Variants in MARCHF1 observed in about 807,000 individuals in gnomAD.
The protein encoded by MARCHF1 is membrane associated ring-CH-type finger 1, also known as E3 ubiquitin-protein ligase MARCHF1.
In MARCHF1, 40 loss-of-function variants were observed where a neutral mutation model predicts 54.2. That is an observed-to-expected ratio of 0.74 (90% CI 0.57 to 0.96). The LOEUF is 0.96. MARCHF1 is among the 40% of genes least tolerant of loss of function. The pLI is 0.00. For synonymous variants in MARCHF1, 236 were observed against 236.3 expected (o/e 1.00, Z 0.01); for missense variants, 586 against 656.5 (o/e 0.89, Z 1.17).
intron 1 of MARCHF1, among the ~76,000 whole-genome samples, chr4:164,278,120 G>A (rs2111329840): frequency 6.6e-6 from 1 of 152,302 alleles, no homozygotes; most frequent in South Asian, 2.1e-4. Context: ...AGACCAGCCT[G>A]AGAACCTGGC....
At chr4:164,307,389 A>T (rs1734724365) in intron 1 of MARCHF1, among the ~76,000 whole-genome samples, 1 of 152,220 alleles carries the variant, frequency 6.6e-6, no homozygotes, top group African/African-American at 2.4e-5. Context: ...GGGACCAAAC[A>T]GCAGCAACCT....
chr4:163,629,268 C>G (rs112321699), intron 5 of MARCHF1, among the ~76,000 whole-genome samples: 1 of 152,170 alleles, frequency 6.6e-6, no homozygotes, highest in Non-Finnish European at 1.5e-5. Context: ...CTACAACCAT[C>G]TGATCTTTGA....
intron 4 of MARCHF1, among the ~76,000 whole-genome samples, chr4:163,735,591 T>A (rs548935557): frequency 6.6e-6 from 1 of 152,260 alleles, no homozygotes; most frequent in African/African-American, 2.4e-5. Flanking sequence ...TGTCCTGACA[T>A]GTGTGAAGTT....
At chr4:164,007,768 T>C (rs1029555434) in intron 2 of MARCHF1, among the ~76,000 whole-genome samples, 3 of 152,024 alleles carry the variant, frequency 2.0e-5, no homozygotes, top group Non-Finnish European at 4.4e-5. Context: ...GCTATATCTA[T>C]AGAATTATTT....
chr4:164,046,313 T>C (rs868517286), intron 2 of MARCHF1, among the ~76,000 whole-genome samples: 1 of 152,242 alleles, frequency 6.6e-6, no homozygotes, highest in South Asian at 2.1e-4. Flanking sequence ...CTTAAACAGA[T>C]ACTTCAGAAC....
rs553157232 is a variant in MARCHF1, at chr4:163,679,616, CTTT to C, written c.162+21194_162+21196del. Among the ~76,000 whole-genome samples, 510 of 144,196 alleles carry C rather than the reference CTTT, an allele frequency of 3.5e-3. 4 individuals carry two copies. The highest frequency in any genetic ancestry group is 0.013 in the African/African-American group (490 of 39,092). The allele number at this position is 144,196 out of a possible 152,430, so 94.6% of individuals were successfully genotyped here. On this transcript the variant is annotated intron_variant, in intron 5 of 9. Transcript: ENST00000514618. ...GAATATCTCATATTTATCTCCAATTCTTTTTTTTTTTTTTGAGATGGAGTCTCG... is the reference window on the plus strand; with the variant it reads ...GAATATCTCATATTTATCTCCAATTCTTTTTTTTTTTGAGATGGAGTCTCG...
Position 164,280,498 on chromosome 4 carries a change from G to A in MARCHF1, c.-323+103372C>T, listed in dbSNP as rs1449968789. ...TTCAAGAAAAGGTGTTGAAACAACTGGCTAACCATTTGGAAAAAGGATAAC... is the reference window on the plus strand; with the variant it reads ...TTCAAGAAAAGGTGTTGAAACAACTAGCTAACCATTTGGAAAAAGGATAAC... On this transcript the variant is annotated intron_variant, in intron 1 of 9. Transcript: ENST00000514618. 3.9e-5 allele frequency among the ~76,000 whole-genome samples: 6 copies of A among 151,972 alleles called. No homozygotes were observed. In the South Asian group the frequency reaches 1.2e-3, roughly 31 times the overall value.
intron 5 of MARCHF1, among the ~76,000 whole-genome samples, chr4:163,633,139 A>T (rs1249298989): frequency 6.6e-6 from 1 of 152,176 alleles, no homozygotes; most frequent in East Asian, 1.9e-4. Context: ...AACCACAAAG[A>T]TGGGGAAAAA....
chr4:163,897,129 C>T (rs1013372667), intron 3 of MARCHF1, among the ~76,000 whole-genome samples: 3 of 152,194 alleles, frequency 2.0e-5, no homozygotes, highest in African/African-American at 7.2e-5. Context: ...TGGAGTAACA[C>T]TATAGACCTT....
At chr4:164,037,375 G>A (rs1325909188) in intron 2 of MARCHF1, among the ~76,000 whole-genome samples, 1 of 152,112 alleles carries the variant, frequency 6.6e-6, no homozygotes, top group Non-Finnish European at 1.5e-5. Flanking sequence ...TACAATTATA[G>A]TTAATGTTAA....
chr4:163,859,631 G>A (rs1421385293), intron 3 of MARCHF1, among the ~76,000 whole-genome samples: 2 of 152,116 alleles, frequency 1.3e-5, no homozygotes, highest in African/African-American at 2.4e-5. Context: ...AAAGTGCTGG[G>A]ATTATAGGCA....
intron 1 of MARCHF1, among the ~76,000 whole-genome samples, chr4:164,291,843 G>C (rs1027027624): frequency 6.6e-6 from 1 of 151,938 alleles, no homozygotes; most frequent in Non-Finnish European, 1.5e-5. Context: ...TCATTATGTG[G>C]GCCATGACTT....
chr4:164,325,622 G>A (rs897698413), intron 1 of MARCHF1, among the ~76,000 whole-genome samples: 6 of 151,844 alleles, frequency 4.0e-5, no homozygotes, highest in Non-Finnish European at 7.4e-5. Flanking sequence ...TTAGTGATTC[G>A]AGAGGCTGAG....
chr4:163,770,857 T>C (rs935958218), intron 4 of MARCHF1, among the ~76,000 whole-genome samples: 13 of 152,200 alleles, frequency 8.5e-5, no homozygotes, highest in African/African-American at 2.9e-4. Context: ...TATGATCTTT[T>C]AAAATGCTAA....
chr4:163,788,468 T>C (rs547866291), intron 4 of MARCHF1, among the ~76,000 whole-genome samples: 7 of 152,162 alleles, frequency 4.6e-5, no homozygotes, highest in African/African-American at 1.7e-4. Context: ...TTGTATGTCT[T>C]CATCAAGTTT....
intron 1 of MARCHF1, among the ~76,000 whole-genome samples, chr4:164,314,283 T>C (rs550985679): frequency 2.9e-4 from 44 of 152,322 alleles, no homozygotes; most frequent in African/African-American, 8.7e-4. Flanking sequence ...TTTATCTTAA[T>C]TGCTAGCAAG....
intron 1 of MARCHF1, among the ~76,000 whole-genome samples, chr4:164,220,740 A>G (rs1732086865): frequency 6.8e-6 from 1 of 146,342 alleles, no homozygotes; most frequent in Admixed American, 7.0e-5. Context: ...TATATGTAAT[A>G]TATATGCTAT....
intron 5 of MARCHF1, among the ~76,000 whole-genome samples, chr4:163,689,865 T>C (rs1744388871): frequency 6.6e-6 from 1 of 152,208 alleles, no homozygotes; most frequent in Non-Finnish European, 1.5e-5. Context: ...ACAAAACATA[T>C]TAAAATGCCC....
intron 1 of MARCHF1, among the ~76,000 whole-genome samples, chr4:164,113,685 T>C (rs1466414338): frequency 6.6e-6 from 1 of 151,932 alleles, no homozygotes; most frequent in Non-Finnish European, 1.5e-5. Flanking sequence ...AAATAAATTA[T>C]TCAGGGAGGG....
Sources: gnomAD v4.1 joint callset for allele counts (sites outside exome capture counted in the v4.1 genomes callset) on GRCh38, gnomAD v4.1.1 for gene constraint, MANE v1.5 for transcripts, NCBI Gene and HGNC (gene_info 2026-07-23, HGNC 2026-07-21) for gene names.